FAM13A: variants seen among roughly 807,000 people sequenced by gnomAD.
The protein encoded by FAM13A is family with sequence similarity 13 member A.
FAM13A carries 76 observed loss-of-function variants against 129.6 expected under a neutral mutation model. The observed-to-expected ratio is 0.59, with a 90% CI of 0.49 to 0.71. FAM13A has a LOEUF of 0.71. Ranked by LOEUF, FAM13A falls within the 30% of genes least tolerant of loss-of-function variation. FAM13A has a pLI of 0.00. For synonymous variants in FAM13A, 443 were observed against 449.9 expected (o/e 0.98, Z 0.20); for missense variants, 1,108 against 1,249.3 (o/e 0.89, Z 1.70).
At chr4:89,037,860 C>G (rs1322521545) in intron 1 of FAM13A, among the ~76,000 whole-genome samples, 1 of 152,198 alleles carries the variant, frequency 6.6e-6, no homozygotes, top group Non-Finnish European at 1.5e-5. Flanking sequence ...AACCTGCTTC[C>G]CCTTCGCCTA....
At chr4:88,921,367 A>C (rs1042578486) in intron 5 of FAM13A, among the ~76,000 whole-genome samples, 8 of 152,236 alleles carry the variant, frequency 5.3e-5, no homozygotes, top group Non-Finnish European at 1.2e-4. Flanking sequence ...CAGAAACTCT[A>C]CCAGCCAGAA....
intron 7 of FAM13A, among the ~76,000 whole-genome samples, chr4:88,848,842 C>T (rs1034534330): frequency 6.6e-6 from 1 of 152,118 alleles, no homozygotes; most frequent in Admixed American, 6.5e-5. Context: ...TCTCTTAATT[C>T]ACCTTTACCT....
intron 7 of FAM13A, among the ~76,000 whole-genome samples, chr4:88,848,986 C>CT (rs1245062455): frequency 1.3e-5 from 2 of 152,192 alleles, no homozygotes; most frequent in African/African-American, 4.8e-5. Flanking sequence ...ACCCTTATCT[C>CT]TATTTCCCTG....
At chr4:88,793,337 C>T (rs1265452011) in intron 8 of FAM13A, among the ~76,000 whole-genome samples, 1 of 151,868 alleles carries the variant, frequency 6.6e-6, no homozygotes, top group Non-Finnish European at 1.5e-5. Context: ...GCACATTTCT[C>T]AGAGTACAAA....
chr4:88,822,902 T>A (rs2149839582), intron 7 of FAM13A: 6 of 1,576,884 alleles, frequency 3.8e-6, no homozygotes, highest in Non-Finnish European at 5.2e-6. Context: ...AGATGCCAAG[T>A]ACTGGCAAAG....
At chr4:88,840,110 G>C (rs893554700) in intron 7 of FAM13A, among the ~76,000 whole-genome samples, 1 of 152,220 alleles carries the variant, frequency 6.6e-6, no homozygotes, top group African/African-American at 2.4e-5. Flanking sequence ...AGGAAGGCCA[G>C]AGGAAAACCA....
chr4:89,054,872 T>C (rs1022193211), intron 1 of FAM13A, among the ~76,000 whole-genome samples: 3 of 152,120 alleles, frequency 2.0e-5, no homozygotes, highest in Non-Finnish European at 2.9e-5. Flanking sequence ...AGGGAAACGC[T>C]GTCCCAGGCC....
chr4:88,981,545 C>T (rs1183749068), intron 4 of FAM13A, among the ~76,000 whole-genome samples: 1 of 152,144 alleles, frequency 6.6e-6, no homozygotes, highest in African/African-American at 2.4e-5. Context: ...GAACTGTCTG[C>T]TACATCACTA....
intron 6 of FAM13A, among the ~76,000 whole-genome samples, chr4:88,861,597 T>C (rs1739504945): frequency 6.6e-6 from 1 of 152,118 alleles, no homozygotes; most frequent in African/African-American, 2.4e-5. Context: ...AACAACAATT[T>C]AATAAGCATT....
chr4:88,878,077 C>T (rs1742870588), intron 6 of FAM13A, among the ~76,000 whole-genome samples: 2 of 151,848 alleles, frequency 1.3e-5, no homozygotes, highest in Non-Finnish European at 2.9e-5. Context: ...ATCACGAGGT[C>T]AGGAAATCAA....
intron 7 of FAM13A, among the ~76,000 whole-genome samples, chr4:88,843,272 A>G (rs1226101546): frequency 6.6e-6 from 1 of 152,234 alleles, no homozygotes; most frequent in Non-Finnish European, 1.5e-5. Flanking sequence ...TGCTTGTCAC[A>G]AGGCAGCCTG....
At chr4:88,785,775 G>A (rs927684097) in intron 10 of FAM13A, among the ~76,000 whole-genome samples, 32 of 152,166 alleles carry the variant, frequency 2.1e-4, no homozygotes, top group African/African-American at 7.5e-4. Flanking sequence ...CAAAGACCTG[G>A]AGAGCTAAGA....
At chr4:88,729,684 T>A (rs1003807813) in intron 23 of FAM13A, 12 of 152,226 alleles carry the variant, frequency 7.9e-5, no homozygotes, top group African/African-American at 2.9e-4. Flanking sequence ...GAACCAGAGC[T>A]TATCTCCTAA....
chr4:89,017,870 T>G (rs1447404753), intron 3 of FAM13A, among the ~76,000 whole-genome samples: 1 of 152,096 alleles, frequency 6.6e-6, no homozygotes, highest in Non-Finnish European at 1.5e-5. Context: ...AACATGTCAC[T>G]CACTGACATA....
chr4:88,806,904 TAAACA>T (rs948575986), intron 7 of FAM13A, among the ~76,000 whole-genome samples: 10 of 152,156 alleles, frequency 6.6e-5, no homozygotes, highest in African/African-American at 2.2e-4. Flanking sequence ...TAGAAAACAC[TAAACA>T]AAACAATTTT....
chr4:88,844,655 G>C (rs1736356397), intron 7 of FAM13A, among the ~76,000 whole-genome samples: 1 of 152,164 alleles, frequency 6.6e-6, no homozygotes, highest in East Asian at 1.9e-4. Flanking sequence ...CATAGAGTTG[G>C]GGGAAAGACA....
intron 11 of FAM13A, among the ~76,000 whole-genome samples, chr4:88,770,147 G>C (rs1321270907): frequency 6.6e-6 from 1 of 152,146 alleles, no homozygotes; most frequent in Non-Finnish European, 1.5e-5. Flanking sequence ...ATGGATCTGA[G>C]AAATTAAAAA....
intron 11 of FAM13A, among the ~76,000 whole-genome samples, chr4:88,772,073 T>C (rs1397284546): frequency 6.6e-6 from 1 of 152,194 alleles, no homozygotes; most frequent in Non-Finnish European, 1.5e-5. Flanking sequence ...CAAATTCATC[T>C]TCTAAAACTG....
chr4:88,846,443 C>T (rs1736653657), intron 7 of FAM13A, among the ~76,000 whole-genome samples: 1 of 152,200 alleles, frequency 6.6e-6, no homozygotes, highest in South Asian at 2.1e-4. Context: ...TTAGGAATCA[C>T]CTTTCGTGAG....
Sources: allele counts gnomAD v4.1 joint callset (sites outside exome capture counted in the v4.1 genomes callset), GRCh38; gene constraint gnomAD v4.1.1; transcripts MANE v1.5; gene names NCBI Gene and HGNC (gene_info 2026-07-23, HGNC 2026-07-21).